Variants in DCUN1D2 observed in about 807,000 individuals in gnomAD.
DCUN1D2 encodes the protein DCN1-like protein 2.
Under a neutral mutation model 30.9 loss-of-function variants are expected in DCUN1D2, and 29 were observed. The ratio of observed to expected loss-of-function variants is 0.94; its 90% CI spans 0.70 to 1.28. The LOEUF (loss-of-function observed/expected upper bound fraction) is 1.28. Ranked by LOEUF, DCUN1D2 falls within the 50% of genes most tolerant of loss-of-function variation. The pLI is 0.00. For missense variants in DCUN1D2, 325 were observed against 316.9 expected (o/e 1.03, Z -0.19); for synonymous variants, 121 against 115.3 (o/e 1.05, Z -0.32).
intron 4 of DCUN1D2, chr13:113,462,698 G>A (rs1411156052): frequency 3.1e-6 from 3 of 971,114 alleles, no homozygotes; most frequent in Non-Finnish European, 2.5e-6. Flanking sequence ...GAGTCAGAAA[G>A]TGCCAAGTAA....
At chr13:113,486,019 T>C (rs1139061) in intron 1 of DCUN1D2, among the ~76,000 whole-genome samples, 3,333 of 152,268 alleles carry the variant, frequency 0.022, 104 homozygotes, top group African/African-American at 0.065. Context: ...TAGAAATATT[T>C]TAATACTATT....
chr13:113,460,814 G>A (rs971983037), intron 5 of DCUN1D2, among the ~76,000 whole-genome samples: 1 of 152,230 alleles, frequency 6.6e-6, no homozygotes, highest in Non-Finnish European at 1.5e-5. Flanking sequence ...GGAGCTTCCC[G>A]TGACTGCCAA....
intron 5 of DCUN1D2, among the ~76,000 whole-genome samples, chr13:113,459,881 G>A (rs1357383301): frequency 5.9e-5 from 9 of 152,198 alleles, no homozygotes; most frequent in Non-Finnish European, 1.5e-5. Flanking sequence ...TGGCTCCAAA[G>A]CCGTGCTCCA....
At chr13:113,483,381 G>A (rs1245207857) in intron 2 of DCUN1D2, among the ~76,000 whole-genome samples, 1 of 152,158 alleles carries the variant, frequency 6.6e-6, no homozygotes, top group African/African-American at 2.4e-5. Flanking sequence ...ACCCGGGCAA[G>A]GAAAACACTA....
chr13:113,490,806 C>G (rs1171342305), upstream of DCUN1D2: 2 of 812,940 alleles, frequency 2.5e-6, no homozygotes, highest in East Asian at 5.5e-5. The surrounding 1 kb of genome is among the most constrained non-coding windows in gnomAD (Gnocchi z 5.2). Context: ...CTCCCACTCC[C>G]GGCATGCTCA....
intron 4 of DCUN1D2, among the ~76,000 whole-genome samples, chr13:113,462,288 A>T (rs1305972029): frequency 1.3e-5 from 2 of 151,374 alleles, no homozygotes; most frequent in Admixed American, 6.6e-5. Flanking sequence ...AATAAATAAA[A>T]TAAAAAATAA....
At chr13:113,472,095 C>T (rs911872483) in intron 4 of DCUN1D2, among the ~76,000 whole-genome samples, 2 of 147,402 alleles carry the variant, frequency 1.4e-5, no homozygotes, top group African/African-American at 2.5e-5. Context: ...GCATTCGTTT[C>T]GTCACTCTGA....
intron 3 of DCUN1D2, among the ~76,000 whole-genome samples, chr13:113,479,576 T>C (rs1265651049): frequency 6.6e-6 from 1 of 151,994 alleles, no homozygotes; most frequent in Non-Finnish European, 1.5e-5. Flanking sequence ...GCCTGGCCAA[T>C]ATGGTGAAAT....
At chr13:113,473,150 C>T (rs530144489) in intron 4 of DCUN1D2, among the ~76,000 whole-genome samples, 2 of 148,434 alleles carry the variant, frequency 1.3e-5, no homozygotes, top group Non-Finnish European at 1.5e-5. Flanking sequence ...TCCTGTGCCT[C>T]TGTCCCTCTG....
chr13:113,463,267 A>G (rs1424828586), intron 4 of DCUN1D2, among the ~76,000 whole-genome samples: 1 of 152,240 alleles, frequency 6.6e-6, no homozygotes, highest in East Asian at 1.9e-4. Context: ...AGAAGGCATT[A>G]CTACTTAAAA....
At chr13:113,474,102 CG>C (rs2044570124) in intron 4 of DCUN1D2, 21 bp downstream of exon 4, 2 of 1,602,356 alleles carry the variant, frequency 1.2e-6, no homozygotes, top group Non-Finnish European at 1.7e-6. Context: ...TGGCATTTTA[CG>C]TATTTGGATT....
chr13:113,487,549 C>T (rs1011112702), intron 1 of DCUN1D2, among the ~76,000 whole-genome samples: 1 of 152,138 alleles, frequency 6.6e-6, no homozygotes, highest in African/African-American at 2.4e-5. Flanking sequence ...TCCAGCCACA[C>T]GGTGCACGAC....
chr13:113,484,036 C>A lies in DCUN1D2; in HGVS notation c.24G>T (p.Gln8His). The A allele has an allele frequency of 6.2e-7, 1 of 1,613,970 alleles. No individual in the cohort carries two copies. The highest frequency in any genetic ancestry group is 8.5e-7 in the Non-Finnish European group (1 of 1,180,032). Residue 8 changes from glutamine (Q) to histidine (H), a missense_variant, in exon 2 of 7, where the codon CAG becomes CAT. By Grantham distance (24) the Gln-to-His change is conservative. Transcript: ENST00000478244. MHKLKSSQKDKVRQFMAC... is the reference protein window; with the variant it reads MHKLKSSHKDKVRQFMAC... ...CCATAAACTGGCGGACCTTGTCCTT[C>A]TGAGACGATTTAAGCTTATGCTTTG...
chr13:113,483,795 C>T (rs376304361), intron 2 of DCUN1D2, 45 bp downstream of exon 2: 13 of 1,587,190 alleles, frequency 8.2e-6, no homozygotes, highest in Admixed American at 6.7e-5. Context: ...GCAGGCCGCT[C>T]GCGGAGGCCG....
intron 1 of DCUN1D2, among the ~76,000 whole-genome samples, chr13:113,485,971 T>C (rs2044795997): frequency 6.6e-6 from 1 of 152,138 alleles, no homozygotes; most frequent in African/African-American, 2.4e-5. Context: ...ATTAAGATAT[T>C]TGCAAAAATG....
At position 113,490,116 on chromosome 13, in the gene DCUN1D2, C is replaced by T. The variant is rs955097436; in HGVS notation, c.3+551G>A. Among the ~76,000 whole-genome samples, 1 of 152,212 alleles carries T rather than the reference C, an allele frequency of 6.6e-6. No individual in the cohort carries two copies. Among genetic ancestry groups the T allele is most frequent in the Non-Finnish European group, 1.5e-5 (1 of 68,040 alleles). On this transcript the variant is annotated intron_variant, in intron 1 of 6. Coordinates refer to ENST00000478244, the MANE Select transcript of DCUN1D2 (RefSeq NM_001014283.2). This position sits in a 1 kb window ranked among gnomAD's most constrained non-coding sequence, Gnocchi z 5.2. ...CTCCTGCGCTGCGGAACTCTACCAGCTCCACAGATGCACACCTACAGCCAC... is the reference window on the plus strand; with the variant it reads ...CTCCTGCGCTGCGGAACTCTACCAGTTCCACAGATGCACACCTACAGCCAC...
Position 113,456,169 on chromosome 13 carries a change from T to G in DCUN1D2, c.*1860A>C, listed in dbSNP as rs1324979433. ...ATGCTCTCTGAGAATCGAAGACTTC[T>G]AAAGGTAGACAGGCCCAGTTTCCCA... is the stretch of plus-strand genomic sequence containing the variant. On this transcript the variant is annotated 3_prime_UTR_variant, in exon 7 of 7. Transcript: ENST00000478244. The G allele has an allele frequency of 3.8e-5, 15 of 398,518 alleles. 1 individual carries two copies. In the Admixed American group the frequency reaches 6.6e-4, roughly 18 times the overall value. 24.7% of individuals were successfully genotyped at this position (398,518 alleles called of 1,614,324 possible).
chr13:113,477,538 A>G (rs1405001035), intron 3 of DCUN1D2, among the ~76,000 whole-genome samples: 4 of 152,126 alleles, frequency 2.6e-5, no homozygotes, highest in African/African-American at 9.7e-5. Context: ...AGGGTGGACT[A>G]GCTATGATCT....
Position 113,490,700 on chromosome 13 carries a change from C to T in DCUN1D2, c.-31G>A, listed in dbSNP as rs1162921804. The T allele has an allele frequency of 4.1e-6, 5 of 1,217,138 alleles. No homozygotes were observed. In the African/African-American group the frequency reaches 8.0e-5, roughly 19 times the overall value. 75.4% of individuals were successfully genotyped at this position (1,217,138 alleles called of 1,614,324 possible). On this transcript the variant is annotated 5_prime_UTR_variant, in exon 1 of 7. Coordinates refer to ENST00000478244, the MANE Select transcript of DCUN1D2 (RefSeq NM_001014283.2). The surrounding 1 kb of genome is among the most constrained non-coding windows in gnomAD (Gnocchi z 5.2). ...CCGCGCCGCCCGCTTCTGGCCGGCC[C>T]CGGCCTTCTGCGCAGGCGCGGCGGC...
Sources: allele counts gnomAD v4.1 joint callset (sites outside exome capture counted in the v4.1 genomes callset), GRCh38; gene constraint gnomAD v4.1.1; non-coding constraint Gnocchi (gnomAD v3.1); transcripts MANE v1.5; gene names NCBI Gene and HGNC (gene_info 2026-07-23, HGNC 2026-07-21).